The following EXT1 variants were observed in gnomAD, a reference collection of about 807,000 sequenced individuals.
EXT1 encodes exostosin glycosyltransferase 1.
EXT1 carries 20 observed loss-of-function variants against 82.5 expected under a neutral mutation model. The ratio of observed to expected loss-of-function variants is 0.24; its 90% CI spans 0.17 to 0.35. EXT1 has a LOEUF of 0.35. Ranked by LOEUF, EXT1 falls within the 10% of genes least tolerant of loss-of-function variation. The pLI is 1.00. For missense variants in EXT1, 757 were observed against 936.5 expected (o/e 0.81, Z 2.50); for synonymous variants, 348 against 350.8 (o/e 0.99, Z 0.09).
intron 1 of EXT1, among the ~76,000 whole-genome samples, chr8:118,001,743 C>G (rs1453590792): frequency 6.6e-6 from 1 of 152,038 alleles, no homozygotes; most frequent in East Asian, 1.9e-4. Flanking sequence ...ATTCCAAGAA[C>G]AGGTTTGAAA....
At chr8:117,901,703 T>G (rs561883665) in intron 1 of EXT1, among the ~76,000 whole-genome samples, 48 of 152,278 alleles carry the variant, frequency 3.2e-4, no homozygotes, top group Admixed American at 2.8e-3. Context: ...TCCTTTTTCC[T>G]TTTTTTGTTT....
chr8:117,806,230 C>G lies in EXT1; in HGVS notation c.1883+987G>C, dbSNP rs140995165. 1.1e-3 allele frequency among the ~76,000 whole-genome samples: 162 copies of G among 152,310 alleles called. 4 individuals carry two copies. The East Asian group carries it at 0.028, about 27-fold the overall frequency. On this transcript the variant is annotated intron_variant, in intron 9 of 10. Coordinates refer to ENST00000378204, the MANE Select transcript of EXT1 (RefSeq NM_000127.3). Reference sequence around the variant, plus strand: ...AACTCTGGGTCTGTTATAGCCTCTTCTCAACATAGAATCCACAGTGGATGC... The same window carrying G: ...AACTCTGGGTCTGTTATAGCCTCTTGTCAACATAGAATCCACAGTGGATGC...
At chr8:117,889,968 G>A (rs761369967) in intron 1 of EXT1, among the ~76,000 whole-genome samples, 13 of 152,066 alleles carry the variant, frequency 8.5e-5, no homozygotes, top group Non-Finnish European at 1.9e-4. Flanking sequence ...TAATTTCCCT[G>A]ACAAAACCAC....
At chr8:118,089,702 A>G (rs769844230) in intron 1 of EXT1, among the ~76,000 whole-genome samples, 3 of 152,194 alleles carry the variant, frequency 2.0e-5, no homozygotes, top group Non-Finnish European at 4.4e-5. Context: ...GGTGTTCTCT[A>G]TCTGAAAAGT....
chr8:117,805,527 T>C (rs1218043047), intron 9 of EXT1, among the ~76,000 whole-genome samples: 2 of 152,230 alleles, frequency 1.3e-5, no homozygotes, highest in East Asian at 1.9e-4. Context: ...TGTATTTATA[T>C]ACATATAGCA....
At chr8:118,109,945 G>C in intron 1 of EXT1, 140 bp downstream of exon 1, 1 of 1,365,494 alleles carries the variant, frequency 7.3e-7, no homozygotes, top group Non-Finnish European at 1.0e-6. Flanking sequence ...ACCCGAACCG[G>C]ATTTGCTCAG....
At chr8:117,823,567 A>T (rs564977415) in intron 4 of EXT1, among the ~76,000 whole-genome samples, 4 of 151,900 alleles carry the variant, frequency 2.6e-5, no homozygotes, top group African/African-American at 9.6e-5. Flanking sequence ...CCAAATCACC[A>T]TTTTCCAGGT....
intron 1 of EXT1, among the ~76,000 whole-genome samples, chr8:118,020,917 C>T (rs1334369720): frequency 3.3e-5 from 5 of 152,192 alleles, no homozygotes; most frequent in Admixed American, 3.3e-4. Flanking sequence ...AATTCTTCGG[C>T]ATCACGTGGG....
chr8:117,985,440 A>G (rs913746872), intron 1 of EXT1, among the ~76,000 whole-genome samples: 2 of 152,206 alleles, frequency 1.3e-5, no homozygotes, highest in African/African-American at 4.8e-5. Flanking sequence ...TAGACAGTAG[A>G]ATATCTGCAT....
Position 117,798,358 on chromosome 8 carries a change from C to T in EXT1, c.*1354G>A, listed in dbSNP as rs753007505. 1 of 151,982 alleles carries T rather than the reference C, an allele frequency of 6.6e-6. No homozygotes were observed. Among genetic ancestry groups the T allele is most frequent in the Non-Finnish European group, 1.5e-5 (1 of 67,994 alleles). The allele number at this position is 151,982 out of a possible 1,614,324, so 9.4% of individuals were successfully genotyped here. A position where few individuals can be genotyped will look rare whatever the true frequency, so the allele number is the denominator to read the frequency against. On this transcript the variant is annotated 3_prime_UTR_variant, in exon 11 of 11. Transcript: ENST00000378204. The stretch of plus-strand genomic sequence containing the variant: ...CTGGCCTCTTCCAAGTAGAAGAAAG[C>T]ATTTAATATCAGAAGTCTCCATTTT...
intron 1 of EXT1, among the ~76,000 whole-genome samples, chr8:118,094,247 C>T (rs541915063): frequency 4.6e-5 from 7 of 152,224 alleles, no homozygotes; most frequent in African/African-American, 1.7e-4. Flanking sequence ...GACACAAAGT[C>T]ATATTAATGA....
intron 1 of EXT1, 135 bp from the exon 2 acceptor site, chr8:117,837,336 T>C (rs1812204521): frequency 2.7e-6 from 2 of 735,180 alleles, no homozygotes; most frequent in Non-Finnish European, 2.5e-6. Flanking sequence ...GCTCTCACTT[T>C]TCCATTTTGA....
intron 1 of EXT1, among the ~76,000 whole-genome samples, chr8:118,091,162 C>T (rs896775414): frequency 6.6e-6 from 1 of 152,154 alleles, no homozygotes; most frequent in South Asian, 2.1e-4. Context: ...AAACTGCACC[C>T]GGCCAAGAAC....
At chr8:118,043,684 A>T (rs1816574100) in intron 1 of EXT1, among the ~76,000 whole-genome samples, 1 of 152,226 alleles carries the variant, frequency 6.6e-6, no homozygotes, top group Non-Finnish European at 1.5e-5. Flanking sequence ...AGACACAGTG[A>T]TTATGGAAAA....
At chr8:117,812,740 C>A in intron 8 of EXT1, 132 bp downstream of exon 8, 1 of 833,474 alleles carries the variant, frequency 1.2e-6, no homozygotes, top group South Asian at 1.5e-5. Flanking sequence ...TGATTAAAAC[C>A]AGCGCTGTAG....
intron 1 of EXT1, among the ~76,000 whole-genome samples, chr8:117,956,066 G>A (rs1814579948): frequency 6.6e-6 from 1 of 151,954 alleles, no homozygotes; most frequent in African/African-American, 2.4e-5. Flanking sequence ...AGTATTTGCT[G>A]TTTACAGATA....
chr8:118,073,632 A>AAGAAGAGAAGAGAAG (rs200527277), intron 1 of EXT1, among the ~76,000 whole-genome samples: 2,918 of 89,414 alleles, frequency 0.033, 110 homozygotes, highest in Non-Finnish European at 0.042. Context: ...AGAGAAGAGA[A>AAGAAGAGAAGAGAAG]AGAAGAGAAG....
intron 1 of EXT1, among the ~76,000 whole-genome samples, chr8:117,979,330 G>A (rs141592907): frequency 0.025 from 3,710 of 151,164 alleles, 66 homozygotes; most frequent in African/African-American, 0.047. Context: ...CTCCAGCCTC[G>A]GCGACAGAGC....
chr8:117,994,639 C>T (rs946550469), intron 1 of EXT1, among the ~76,000 whole-genome samples: 1 of 152,216 alleles, frequency 6.6e-6, no homozygotes, highest in African/African-American at 2.4e-5. Context: ...GATCAGGTTT[C>T]TGAAGTCCTA....
Sources: allele counts gnomAD v4.1 joint callset (sites outside exome capture counted in the v4.1 genomes callset), GRCh38; gene constraint gnomAD v4.1.1; transcripts MANE v1.5; gene names NCBI Gene and HGNC (gene_info 2026-07-23, HGNC 2026-07-21).